CCDC15: variants seen among roughly 807,000 people sequenced by gnomAD.
CCDC15 encodes coiled-coil domain-containing protein 15.
CCDC15 carries 105 observed loss-of-function variants against 114.5 expected under a neutral mutation model. The ratio of observed to expected loss-of-function variants is 0.92; its 90% CI spans 0.78 to 1.08. The LOEUF (loss-of-function observed/expected upper bound fraction) is 1.08, where lower values mean the gene tolerates loss of function less well. Among genes scored for constraint, CCDC15 ranks in the 50% least tolerant of loss-of-function variants. The pLI is 0.00. For missense variants in CCDC15, 1,105 were observed against 1,093.6 expected, an observed-to-expected ratio of 1.01 and a Z score of -0.15; for synonymous variants, 334 against 377.8, an observed-to-expected ratio of 0.88 and a Z score of 1.34.
rs762010083 is a variant in CCDC15 at position 124,987,350 on chromosome 11, A to G, written c.1124A>G (p.Gln375Arg). 5 of 1,613,464 alleles carry G rather than the reference A, an allele frequency of 3.1e-6. No homozygotes were observed. Among genetic ancestry groups the G allele is most frequent in the Non-Finnish European group, 8.5e-7 (1 of 1,179,546 alleles). Residue 375 changes from glutamine (Q) to arginine (R), a missense_variant, in exon 8 of 16, where the codon CAG (glutamine) becomes CGG (arginine). Coordinates refer to ENST00000344762, the MANE Select transcript of CCDC15 (RefSeq NM_025004.3). ...GTTCAGGTTACTGAGCCAGAAGGCC[A>G]GGCCATTGAGCCAGAAGGCCAGCCT... ...MKVQVTEPEG[Q>R]AIEPEGQPIK...
At chr11:125,032,999 C>G (rs899525954) in intron 13 of CCDC15, among the ~76,000 whole-genome samples, 1 of 152,174 alleles carries the variant, frequency 6.6e-6, no homozygotes, top group African/African-American at 2.4e-5. Context: ...GTCCGGAGGT[C>G]TCCTTGGGGA....
intron 4 of CCDC15, among the ~76,000 whole-genome samples, chr11:124,972,979 A>G (rs745338040): frequency 9.9e-5 from 15 of 152,144 alleles, no homozygotes; most frequent in Non-Finnish European, 2.2e-4. Flanking sequence ...TTTCTTATAA[A>G]GTAATATTTA....
At chr11:124,981,967 G>T (rs1047918780) in intron 6 of CCDC15, among the ~76,000 whole-genome samples, 2 of 152,104 alleles carry the variant, frequency 1.3e-5, no homozygotes, top group East Asian at 3.9e-4. Context: ...GAATCTGGTT[G>T]CACTTGTATT....
chr11:124,960,150 T>TA, intron 4 of CCDC15, 147 bp downstream of exon 4: 1 of 482,530 alleles, frequency 2.1e-6, no homozygotes, highest in East Asian at 3.5e-5. Context: ...TTTTTTTTTT[T>TA]AGCTTTGTAA....
At chr11:124,974,680 C>G (rs1947944280) in intron 4 of CCDC15, among the ~76,000 whole-genome samples, 1 of 152,000 alleles carries the variant, frequency 6.6e-6, no homozygotes, top group Non-Finnish European at 1.5e-5. Flanking sequence ...AGAGTCCTAG[C>G]AAGCAGTGAT....
At chr11:125,014,125 A>G (rs1325174973) in intron 13 of CCDC15, among the ~76,000 whole-genome samples, 1 of 152,208 alleles carries the variant, frequency 6.6e-6, no homozygotes, top group Non-Finnish European at 1.5e-5. Flanking sequence ...AAAGGGCCCA[A>G]TATACATATC....
At chr11:124,960,086 T>A (rs1947632095) in intron 4 of CCDC15, 83 bp downstream of exon 4, 2 of 1,112,572 alleles carry the variant, frequency 1.8e-6, no homozygotes, top group Admixed American at 3.1e-5. Flanking sequence ...GGGTATGAGG[T>A]AGGGATTAAG....
At chr11:125,039,113 AAAAT>A (rs1407480940) in intron 15 of CCDC15, 44 bp downstream of exon 15, 19 of 1,514,512 alleles carry the variant, frequency 1.3e-5, no homozygotes, top group Non-Finnish European at 1.5e-5. Flanking sequence ...GGCAACAAGA[AAAAT>A]AAATAAGAGT....
chr11:124,964,447 G>A (rs1218976388), intron 4 of CCDC15, among the ~76,000 whole-genome samples: 1 of 152,116 alleles, frequency 6.6e-6, no homozygotes, highest in Non-Finnish European at 1.5e-5. Context: ...CTGTTTGTCT[G>A]TTATTGGTGT....
chr11:125,014,102 TG>T (rs1351275507), intron 13 of CCDC15, among the ~76,000 whole-genome samples: 1 of 152,112 alleles, frequency 6.6e-6, no homozygotes, highest in African/African-American at 2.4e-5. Context: ...CCCACTGGGT[TG>T]GGGGAGGGGA....
Position 124,967,772 on chromosome 11 carries a change from A to G in CCDC15, c.517-7324A>G, listed in dbSNP as rs59122965. On this transcript the variant is annotated intron_variant, in intron 4 of 15. Transcript: ENST00000344762. ...GGTTTCTCCCCATCTTTGTGGTTTT[A>G]TTTACCTTTGGTCTTTGATGATGGT... 4.5e-3 allele frequency among the ~76,000 whole-genome samples: 689 copies of G among 152,186 alleles called. 5 individuals carry two copies. The highest frequency in any genetic ancestry group is 0.016 in the African/African-American group (655 of 41,524).
intron 13 of CCDC15, among the ~76,000 whole-genome samples, chr11:125,027,696 T>A (rs1948713427): frequency 6.6e-6 from 1 of 152,212 alleles, no homozygotes. Flanking sequence ...CTGTTTGCTC[T>A]GCTGATTATT....
chr11:125,029,278 C>G (rs1948723177), intron 13 of CCDC15, among the ~76,000 whole-genome samples: 1 of 152,132 alleles, frequency 6.6e-6, no homozygotes, highest in South Asian at 2.1e-4. Flanking sequence ...AGTTGACACT[C>G]CGTATTAACC....
intron 13 of CCDC15, among the ~76,000 whole-genome samples, chr11:125,025,045 A>AATATATATGAATAT (rs1948687572): frequency 9.7e-6 from 1 of 103,170 alleles, no homozygotes; most frequent in Non-Finnish European, 1.9e-5. Flanking sequence ...AATACATATG[A>AATATATATGAATAT]ATATATATGA....
At chr11:124,956,398 AC>A (rs1340484882) in intron 2 of CCDC15, among the ~76,000 whole-genome samples, 1 of 152,096 alleles carries the variant, frequency 6.6e-6, no homozygotes, top group Non-Finnish European at 1.5e-5. Flanking sequence ...CTATGATCAT[AC>A]TACTGCACTC....
At position 124,954,913 on chromosome 11, in the gene CCDC15, A is replaced by G. The variant is rs370255944; in HGVS notation, c.177+4A>G. On this transcript the variant is annotated splice_donor_region_variant and intron_variant, in intron 2 of 15. Coordinates refer to ENST00000344762, the MANE Select transcript of CCDC15 (RefSeq NM_025004.3). The stretch of plus-strand genomic sequence containing the variant: ...TAGTTCGGAAATCCCAGCATATGTG[A>G]GTGTCAGTTTGATCCAAATATGGTG... 4 of 1,613,462 alleles carry G rather than the reference A, an allele frequency of 2.5e-6. No individual in the cohort carries two copies. The African/African-American group carries it at 5.3e-5, about 22-fold the overall frequency.
chr11:125,018,210 T>A (rs1948640744), intron 13 of CCDC15, among the ~76,000 whole-genome samples: 1 of 152,104 alleles, frequency 6.6e-6, no homozygotes, highest in Admixed American at 6.6e-5. Flanking sequence ...ATAATGTTTT[T>A]ATCTTTTATA....
chr11:125,022,001 C>G (rs1456290528), intron 13 of CCDC15, among the ~76,000 whole-genome samples: 2 of 151,878 alleles, frequency 1.3e-5, no homozygotes, highest in Admixed American at 1.3e-4. Context: ...TGAATGTCTT[C>G]AAGACACTTA....
At chr11:124,984,353 G>A (rs941078962) in intron 6 of CCDC15, among the ~76,000 whole-genome samples, 4 of 152,066 alleles carry the variant, frequency 2.6e-5, no homozygotes, top group Non-Finnish European at 5.9e-5. Context: ...GAGGCACCCC[G>A]GTGGGCATCT....
Sources: allele counts gnomAD v4.1 joint callset (sites outside exome capture counted in the v4.1 genomes callset), GRCh38; gene constraint gnomAD v4.1.1; transcripts MANE v1.5; gene names NCBI Gene and HGNC (gene_info 2026-07-23, HGNC 2026-07-21).